Variants in GLCCI1 observed in about 807,000 individuals in gnomAD.
GLCCI1 encodes the protein glucocorticoid induced 1.
GLCCI1 carries 24 observed loss-of-function variants against 52.2 expected under a neutral mutation model. The ratio of observed to expected loss-of-function variants is 0.46; its 90% CI spans 0.33 to 0.65. The LOEUF is 0.65. Ranked by LOEUF, GLCCI1 falls within the 30% of genes least tolerant of loss-of-function variation. The probability of loss-of-function intolerance (pLI) is 0.02; values close to 1 mark genes in which losing one functional copy is unlikely to be tolerated. For synonymous variants in GLCCI1, 310 were observed against 276.5 expected, an observed-to-expected ratio of 1.12 and a Z score of -1.20; for missense variants, 704 against 701.5, an observed-to-expected ratio of 1.00 and a Z score of -0.04.
chr7:8,021,012 A>G (rs75388925), intron 2 of GLCCI1, among the ~76,000 whole-genome samples: 2,427 of 152,318 alleles, frequency 0.016, 54 homozygotes, highest in East Asian at 0.085. Context: ...TGCTGATTGA[A>G]TAAAGTATTT....
intron 1 of GLCCI1, among the ~76,000 whole-genome samples, chr7:7,999,211 A>T (rs578195690): frequency 3.9e-5 from 6 of 152,118 alleles, no homozygotes; most frequent in Non-Finnish European, 8.8e-5. Flanking sequence ...TAAAAGAAAA[A>T]TTAAGTAAAT....
chr7:7,981,029 A>G, intron 1 of GLCCI1: 1 of 499,268 alleles, frequency 2.0e-6, no homozygotes. Flanking sequence ...GAAGAAATAA[A>G]GGCAGAAAAA....
At chr7:8,077,195 C>T (rs1241565703) in intron 6 of GLCCI1, among the ~76,000 whole-genome samples, 1 of 152,090 alleles carries the variant, frequency 6.6e-6, no homozygotes, top group Non-Finnish European at 1.5e-5. Context: ...TAGGGTGTCA[C>T]CTAGGTTCAA....
chr7:8,046,620 AATCT>A (rs1249907510), intron 3 of GLCCI1, among the ~76,000 whole-genome samples: 1 of 152,122 alleles, frequency 6.6e-6, no homozygotes, highest in Non-Finnish European at 1.5e-5. Flanking sequence ...AAAATTTTTA[AATCT>A]ACCTATAACC....
rs75094784 is a variant in GLCCI1, at chr7:8,071,159, G to A, written c.1177+28G>A. The A allele has an allele frequency of 2.4e-4, 372 of 1,567,446 alleles. No homozygotes were observed. The African/African-American group carries it at 4.7e-3, about 20-fold the overall frequency. ...AAGAATGGAATTGTCCACTTAGAGG[G>A]TTTGTTATGGGCCTTGCTCATTATA... On this transcript the variant is annotated intron_variant, in intron 6 of 7. Transcript: ENST00000223145.
chr7:7,985,474 T>C (rs1780703902), intron 1 of GLCCI1, among the ~76,000 whole-genome samples: 1 of 152,142 alleles, frequency 6.6e-6, no homozygotes, highest in African/African-American at 2.4e-5. Context: ...ATAAAACCAA[T>C]GATGGGCACA....
chr7:8,021,819 G>A (rs1781497791), intron 2 of GLCCI1, among the ~76,000 whole-genome samples: 1 of 152,162 alleles, frequency 6.6e-6, no homozygotes, highest in African/African-American at 2.4e-5. Flanking sequence ...CTAAATAACT[G>A]AAAATGATAT....
intron 1 of GLCCI1, chr7:7,980,273 G>A (rs1780585246): frequency 6.5e-6 from 1 of 154,554 alleles, no homozygotes; most frequent in Non-Finnish European, 1.4e-5. Flanking sequence ...AAGAATATTA[G>A]TGACCTCACC....
chr7:8,047,500 A>G (rs75637685), intron 3 of GLCCI1, among the ~76,000 whole-genome samples: 2,256 of 152,334 alleles, frequency 0.015, 53 homozygotes, highest in East Asian at 0.084. Flanking sequence ...TAGTTGAGGT[A>G]AAAACAAAGA....
chr7:7,984,702 T>A (rs982203716), intron 1 of GLCCI1, among the ~76,000 whole-genome samples: 2 of 152,240 alleles, frequency 1.3e-5, no homozygotes, highest in African/African-American at 4.8e-5. Context: ...CTGAATAGTG[T>A]AATTTCTCAT....
In GLCCI1 at chr7:8,022,462, TTATA is replaced by T; in HGVS notation, c.610-13_610-10del. ...GTAGAGATAAAATTTCTTATTTTAT[TTATA>T]TATATATTTTTTAAAGACACCTAGC... On this transcript the variant is annotated splice_polypyrimidine_tract_variant and intron_variant, in intron 2 of 7. Coordinates refer to ENST00000223145, the MANE Select transcript of GLCCI1 (RefSeq NM_138426.4). The T allele has an allele frequency of 7.5e-7, 1 of 1,333,252 alleles. No homozygotes were observed. The highest frequency in any genetic ancestry group is 1.0e-6 in the Non-Finnish European group (1 of 1,004,112). The allele number at this position is 1,333,252 out of a possible 1,614,324, so 82.6% of individuals were successfully genotyped here. A position where few individuals can be genotyped will look rare whatever the true frequency, so the allele number is the denominator to read the frequency against.
At chr7:8,062,268 A>G (rs777657274) in intron 5 of GLCCI1, among the ~76,000 whole-genome samples, 2 of 152,212 alleles carry the variant, frequency 1.3e-5, no homozygotes, top group East Asian at 1.9e-4. Context: ...AAATATCACC[A>G]TGAACTGGCC....
rs1356038809 is a variant in GLCCI1 at position 7,969,580 on chromosome 7, A to C, written c.230A>C (p.Gln77Pro). Residue 77 changes from glutamine to proline, a missense_variant, in exon 1 of 8, where the codon CAG becomes CCG. Coordinates refer to ENST00000223145, the MANE Select transcript of GLCCI1 (RefSeq NM_138426.4). The surrounding 1 kb of genome is among the most constrained non-coding windows in gnomAD (Gnocchi z 4.9). ...TVPYQLLRGS[Q>P]HSPTRPPVAA... ...CCCTACCAGCTCTTGCGGGGCAGCC[A>C]GCACAGTCCCACGCGTCCGCCCGTC... is the stretch of plus-strand genomic sequence containing the variant. 1.9e-6 allele frequency: 2 copies of C among 1,027,248 alleles called. No individual in the cohort carries two copies. The highest frequency in any genetic ancestry group is 2.3e-6 in the Non-Finnish European group (2 of 859,856). The allele number at this position is 1,027,248 out of a possible 1,614,324, so 63.6% of individuals were successfully genotyped here.
intron 2 of GLCCI1, among the ~76,000 whole-genome samples, chr7:8,022,182 C>T (rs749424231): frequency 2.6e-5 from 4 of 152,128 alleles, no homozygotes; most frequent in Admixed American, 2.6e-4. Context: ...TCTTTAAAAA[C>T]ACCAATACAC....
chr7:8,062,926 A>G (rs1584012036), intron 5 of GLCCI1, among the ~76,000 whole-genome samples: 2 of 152,142 alleles, frequency 1.3e-5, no homozygotes, highest in South Asian at 4.1e-4. Context: ...ACTGTCATGA[A>G]CATATGCGTG....
chr7:7,994,881 C>A (rs1418774357), intron 1 of GLCCI1, among the ~76,000 whole-genome samples: 1 of 152,156 alleles, frequency 6.6e-6, no homozygotes, highest in Non-Finnish European at 1.5e-5. Flanking sequence ...CACACAAACA[C>A]ACACACACTC....
intron 1 of GLCCI1, among the ~76,000 whole-genome samples, chr7:7,999,756 A>G (rs7808790): frequency 0.049 from 7,486 of 152,132 alleles, 475 homozygotes; most frequent in African/African-American, 0.14. Flanking sequence ...TTAAAAAATT[A>G]GCTGGGTGTG....
chr7:8,022,374 A>G, intron 2 of GLCCI1, 109 bp from the exon 3 acceptor site: 2 of 461,938 alleles, frequency 4.3e-6, no homozygotes, highest in Non-Finnish European at 6.9e-6. Context: ...GGATTTTAGT[A>G]TAGCTCTCTA....
chr7:8,006,918 A>G (rs1474411061), intron 2 of GLCCI1, among the ~76,000 whole-genome samples: 1 of 152,182 alleles, frequency 6.6e-6, no homozygotes, highest in African/African-American at 2.4e-5. Flanking sequence ...GCCATCCTCA[A>G]AAAGCAAGAA....
Sources: allele counts gnomAD v4.1 joint callset (sites outside exome capture counted in the v4.1 genomes callset), GRCh38; gene constraint gnomAD v4.1.1; non-coding constraint Gnocchi (gnomAD v3.1); transcripts MANE v1.5; gene names NCBI Gene and HGNC (gene_info 2026-07-23, HGNC 2026-07-21).